Variants in GPC5 observed in about 807,000 individuals in gnomAD.
The protein encoded by GPC5 is glypican 5, also known as glypican-5.
Under a neutral mutation model 53.9 loss-of-function variants are expected in GPC5, and 47 were observed. The observed-to-expected ratio is 0.87, with a 90% CI of 0.69 to 1.11. The LOEUF (loss-of-function observed/expected upper bound fraction) is 1.11. Ranked by LOEUF, GPC5 falls within the 50% of genes most tolerant of loss-of-function variation. The pLI, the probability that GPC5 is intolerant of heterozygous loss-of-function variation, is 0.00. For missense variants in GPC5, 748 were observed against 713.1 expected, an observed-to-expected ratio of 1.05 and a Z score of -0.56; for synonymous variants, 286 against 263.3, an observed-to-expected ratio of 1.09 and a Z score of -0.84.
chr13:92,674,058 G>C (rs1381400626), intron 7 of GPC5, among the ~76,000 whole-genome samples: 1 of 152,144 alleles, frequency 6.6e-6, no homozygotes, highest in Non-Finnish European at 1.5e-5. Flanking sequence ...TAAAGCAAAT[G>C]GCAAATATTG....
intron 5 of GPC5, among the ~76,000 whole-genome samples, chr13:91,850,154 TTAGCAA>T (rs1489502746): frequency 6.6e-6 from 1 of 152,208 alleles, no homozygotes; most frequent in East Asian, 1.9e-4. Flanking sequence ...CCTTGAAAGG[TTAGCAA>T]TGCTTAACCT....
intron 7 of GPC5, among the ~76,000 whole-genome samples, chr13:92,270,897 T>A (rs1211361803): frequency 6.6e-6 from 1 of 152,182 alleles, no homozygotes; most frequent in Admixed American, 6.5e-5. Context: ...ATACATAATC[T>A]TGCTTTGTAT....
intron 7 of GPC5, among the ~76,000 whole-genome samples, chr13:92,751,303 TAAAAAAA>T (rs71123435): frequency 0.045 from 1,743 of 38,820 alleles, 78 homozygotes; most frequent in East Asian, 0.24. Context: ...CAGAAACATT[TAAAAAAA>T]AAAAAAAAAA....
intron 2 of GPC5, among the ~76,000 whole-genome samples, chr13:91,483,495 G>T (rs1436970432): frequency 6.6e-6 from 1 of 152,092 alleles, no homozygotes; most frequent in Non-Finnish European, 1.5e-5. Flanking sequence ...TGCCTATTAT[G>T]ACGCTCATCC....
chr13:92,439,004 G>T (rs1877438112), intron 7 of GPC5, among the ~76,000 whole-genome samples: 1 of 152,142 alleles, frequency 6.6e-6, no homozygotes, highest in Non-Finnish European at 1.5e-5. Flanking sequence ...CTGGTCTGGA[G>T]CTCAGATAAA....
chr13:92,760,257 G>A (rs770118694), intron 7 of GPC5, among the ~76,000 whole-genome samples: 2 of 152,008 alleles, frequency 1.3e-5, no homozygotes, highest in Non-Finnish European at 2.9e-5. Context: ...AGAAATATTG[G>A]TATCACTTTT....
intron 7 of GPC5, among the ~76,000 whole-genome samples, chr13:92,776,585 G>A (rs1223784730): frequency 6.6e-6 from 1 of 152,274 alleles, no homozygotes; most frequent in East Asian, 1.9e-4. Flanking sequence ...TCTACTCAAT[G>A]TCTGATAGAA....
At chr13:92,495,409 GC>G (rs1879933375) in intron 7 of GPC5, among the ~76,000 whole-genome samples, 1 of 152,074 alleles carries the variant, frequency 6.6e-6, no homozygotes, top group Non-Finnish European at 1.5e-5. Flanking sequence ...ATACCTAGCA[GC>G]ATACCATATG....
chr13:91,948,606 T>A (rs1457854327), intron 6 of GPC5, among the ~76,000 whole-genome samples: 1 of 152,226 alleles, frequency 6.6e-6, no homozygotes, highest in Non-Finnish European at 1.5e-5. Flanking sequence ...AAATGATGTT[T>A]AAAAATACCC....
chr13:91,595,513 A>T (rs1473014875), intron 2 of GPC5, among the ~76,000 whole-genome samples: 1 of 151,998 alleles, frequency 6.6e-6, no homozygotes, highest in East Asian at 1.9e-4. Flanking sequence ...AAATTTTCTA[A>T]TATATGAAGT....
chr13:92,707,666 C>A (rs1887997158), intron 7 of GPC5, among the ~76,000 whole-genome samples: 1 of 152,206 alleles, frequency 6.6e-6, no homozygotes, highest in African/African-American at 2.4e-5. Flanking sequence ...GAGCTAGACT[C>A]CCTTTTCCAA....
chr13:92,527,098 AAAGAAAGAAAAAAGAAAGAAAGAAAG>A lies in GPC5; in HGVS notation c.1562-339181_1562-339156del, dbSNP rs1881311147. 2.7e-4 allele frequency among the ~76,000 whole-genome samples: 15 copies of A among 55,152 alleles called. No homozygotes were observed. In the Admixed American group the frequency reaches 4.2e-3, roughly 15 times the overall value. 36.2% of individuals were successfully genotyped at this position (55,152 alleles called of 152,430 possible). On this transcript the variant is annotated intron_variant, in intron 7 of 7. Coordinates refer to ENST00000377067, the MANE Select transcript of GPC5 (RefSeq NM_004466.6). ...TCCCACAATATGAGATTCTGTAGGA[AAAGAAAGAAAAAAGAAAGAAAGAAAG>A]AAAGAAAGAAAGAAAGAAAGAAAGA...
At chr13:92,394,251 T>C (rs1217517137) in intron 7 of GPC5, among the ~76,000 whole-genome samples, 1 of 152,172 alleles carries the variant, frequency 6.6e-6, no homozygotes, top group African/African-American at 2.4e-5. Context: ...GTTCATTTGT[T>C]TTTCATCTAT....
At position 92,306,838 on chromosome 13, in the gene GPC5, T is replaced by A. The variant is rs76445726; in HGVS notation, c.1561+161849T>A. Among the ~76,000 whole-genome samples the A allele has an allele frequency of 9.6e-3, 1,462 of 152,286 alleles. 22 individuals are homozygous for A. The highest frequency in any genetic ancestry group is 0.033 in the African/African-American group (1,375 of 41,562). ...TCTCAAAAGAAGGGTCCACCTTTAG[T>A]TGGCAAATTACGTTGCATAGGCACT... is the stretch of plus-strand genomic sequence containing the variant. On this transcript the variant is annotated intron_variant, in intron 7 of 7. Coordinates refer to ENST00000377067, the MANE Select transcript of GPC5 (RefSeq NM_004466.6).
At chr13:92,210,987 A>AC (rs2042370956) in intron 7 of GPC5, among the ~76,000 whole-genome samples, 1 of 152,140 alleles carries the variant, frequency 6.6e-6, no homozygotes. Context: ...TGGTTCTACC[A>AC]CCCCACAAAC....
In GPC5 at chr13:92,149,233, A is replaced by G. The variant is rs541644178; in HGVS notation, c.1561+4244A>G. On this transcript the variant is annotated intron_variant, in intron 7 of 7. Coordinates refer to ENST00000377067, the MANE Select transcript of GPC5 (RefSeq NM_004466.6). ...AGTTCTCAAACCTTTTATCATGTCT[A>G]TTGACAACTAGCCCTTTTCCCACAG... Among the ~76,000 whole-genome samples, 17 of 152,114 alleles carry G rather than the reference A, an allele frequency of 1.1e-4. No individual in the cohort carries two copies. In the South Asian group the frequency reaches 2.7e-3, roughly 24 times the overall value.
chr13:92,427,125 G>C (rs1389933776), intron 7 of GPC5, among the ~76,000 whole-genome samples: 1 of 151,678 alleles, frequency 6.6e-6, no homozygotes. Flanking sequence ...CCAAGGAATA[G>C]CAATCATTTT....
intron 2 of GPC5, among the ~76,000 whole-genome samples, chr13:91,584,598 TAC>T (rs1412574769): frequency 1.3e-5 from 2 of 151,736 alleles, no homozygotes; most frequent in Non-Finnish European, 2.9e-5. Context: ...TTTTTTTTCA[TAC>T]AGAGTTTTGC....
rs557638439 is a variant in GPC5 at position 92,762,850 on chromosome 13, T to A, written c.1562-103432T>A. Among the ~76,000 whole-genome samples the A allele has an allele frequency of 6.6e-4, 101 of 152,034 alleles. 1 individual carries two copies. The highest frequency in any genetic ancestry group is 4.2e-3 in the Admixed American group (64 of 15,256). On this transcript the variant is annotated intron_variant, in intron 7 of 7. Transcript: ENST00000377067. ...CTTTCTTCTTTTCAAAAGACCTTTT[T>A]CAAGTTAGAGATTCTTTCTTCTGCT... is the stretch of plus-strand genomic sequence containing the variant.
Sources: allele counts gnomAD v4.1 joint callset (sites outside exome capture counted in the v4.1 genomes callset), GRCh38; gene constraint gnomAD v4.1.1; transcripts MANE v1.5; gene names NCBI Gene and HGNC (gene_info 2026-07-23, HGNC 2026-07-21).